FBN2: variants seen among roughly 807,000 people sequenced by gnomAD.
FBN2 encodes the protein fibrillin-2.
In FBN2, 105 loss-of-function variants were observed where a neutral mutation model predicts 355.6. The ratio of observed to expected loss-of-function variants is 0.30; its 90% CI spans 0.25 to 0.35. The LOEUF is 0.35. Among genes scored for constraint, FBN2 ranks in the 10% least tolerant of loss-of-function variants. The pLI, the probability that FBN2 is intolerant of heterozygous loss-of-function variation, is 1.00. For missense variants in FBN2, 3,280 were observed against 3,758.7 expected (o/e 0.87, Z 3.33); for synonymous variants, 1,350 against 1,301.2 (o/e 1.04, Z -0.81).
chr5:128,416,679 A>G (rs1414841715), intron 7 of FBN2, among the ~76,000 whole-genome samples: 4 of 152,070 alleles, frequency 2.6e-5, no homozygotes, highest in Non-Finnish European at 4.4e-5. Flanking sequence ...CCATTCCTCA[A>G]TGTTGTTTTG....
chr5:128,501,224 G>C (rs916773659), intron 5 of FBN2, among the ~76,000 whole-genome samples: 1 of 152,178 alleles, frequency 6.6e-6, no homozygotes, highest in Non-Finnish European at 1.5e-5. Context: ...CATGACAAGA[G>C]GGAGTGATCC....
At chr5:128,519,157 AAAG>A in intron 5 of FBN2, 113 bp downstream of exon 5, 1 of 775,406 alleles carries the variant, frequency 1.3e-6, no homozygotes. Context: ...AGACATAATC[AAAG>A]AAGAGTAAAA....
At chr5:128,483,806 T>C (rs903638783) in intron 5 of FBN2, among the ~76,000 whole-genome samples, 2 of 152,132 alleles carry the variant, frequency 1.3e-5, no homozygotes, top group Non-Finnish European at 2.9e-5. Flanking sequence ...TAAGCGATAA[T>C]AGCTGGAAAA....
At chr5:128,302,648 G>C (rs1483793195) in intron 46 of FBN2, among the ~76,000 whole-genome samples, 1 of 152,132 alleles carries the variant, frequency 6.6e-6, no homozygotes, top group Non-Finnish European at 1.5e-5. Flanking sequence ...ACAATGAAGG[G>C]TCTATTTTTG....
At position 128,506,705 on chromosome 5, in the gene FBN2, G is replaced by C. The variant is rs564898853; in HGVS notation, c.628+12568C>G. On this transcript the variant is annotated intron_variant, in intron 5 of 64. Coordinates refer to ENST00000262464, the MANE Select transcript of FBN2 (RefSeq NM_001999.4). ...GTGCAATGTTCAACAGAAGTGACGA[G>C]AGTGACTATCCTTGCTTTGTCACCA... Among the ~76,000 whole-genome samples, 6 of 152,222 alleles carry C rather than the reference G, an allele frequency of 3.9e-5. No homozygotes were observed. In the South Asian group the frequency reaches 1.0e-3, roughly 26 times the overall value.
In FBN2 at chr5:128,305,131, T is replaced by G. The variant is rs1444074428; in HGVS notation, c.5675-49A>C. 54 of 1,432,712 alleles carry G rather than the reference T, an allele frequency of 3.8e-5. No individual in the cohort carries two copies. The East Asian group carries it at 1.3e-3, about 34-fold the overall frequency. The allele number at this position is 1,432,712 out of a possible 1,614,324, so 88.7% of individuals were successfully genotyped here. On this transcript the variant is annotated intron_variant, in intron 44 of 64. Coordinates refer to ENST00000262464, the MANE Select transcript of FBN2 (RefSeq NM_001999.4). ...TACATGTATCTGATTTTTATTAAGA[T>G]TTCTTCATTTTTCACAGTTGTGTTT...
chr5:128,342,500 G>A (rs1283313254), intron 25 of FBN2, among the ~76,000 whole-genome samples: 1 of 152,028 alleles, frequency 6.6e-6, no homozygotes, highest in African/African-American at 2.4e-5. Context: ...AAAACGGGAT[G>A]GTAGCTTGAG....
intron 34 of FBN2, among the ~76,000 whole-genome samples, chr5:128,321,385 G>C (rs1750369739): frequency 6.6e-6 from 1 of 152,100 alleles, no homozygotes; most frequent in African/African-American, 2.4e-5. Context: ...ATGGTGGTTT[G>C]CTGCATCCAT....
At chr5:128,401,879 G>A (rs1485963893) in intron 8 of FBN2, among the ~76,000 whole-genome samples, 1 of 152,182 alleles carries the variant, frequency 6.6e-6, no homozygotes, top group African/African-American at 2.4e-5. Context: ...AGTCATAGGT[G>A]AGAGGGTAGA....
At chr5:128,357,253 T>C (rs1172611610) in intron 20 of FBN2, 23 bp downstream of exon 20, 2 of 1,613,650 alleles carry the variant, frequency 1.2e-6, no homozygotes, top group Non-Finnish European at 8.5e-7. Context: ...AATTGAAGCA[T>C]CAGTATTGTG....
chr5:128,530,479 G>A lies in FBN2; in HGVS notation c.436+116C>T, dbSNP rs1490705555. On this transcript the variant is annotated intron_variant, in intron 3 of 64. Coordinates refer to ENST00000262464, the MANE Select transcript of FBN2 (RefSeq NM_001999.4). ...ATTAACAGTATCTCATAATGTTGAT[G>A]TAAGGATTAACTAAAGTAATAACAG... is the stretch of plus-strand genomic sequence containing the variant. 1.6e-5 allele frequency: 12 copies of A among 728,580 alleles called. No homozygotes were observed. The East Asian group carries it at 3.0e-4, about 18-fold the overall frequency. The allele number at this position is 728,580 out of a possible 1,614,324, so 45.1% of individuals were successfully genotyped here.
chr5:128,375,588 T>G (rs2126955678), intron 14 of FBN2, among the ~76,000 whole-genome samples: 1 of 152,316 alleles, frequency 6.6e-6, no homozygotes, highest in African/African-American at 2.4e-5. Flanking sequence ...AGTCTCAATT[T>G]TTTAACCTCT....
chr5:128,422,790 G>A (rs1753384974), intron 7 of FBN2, among the ~76,000 whole-genome samples: 1 of 152,098 alleles, frequency 6.6e-6, no homozygotes, highest in Non-Finnish European at 1.5e-5. Context: ...CTGTGTGTAA[G>A]AATCACATGG....
At chr5:128,300,313 C>A (rs1749677314) in intron 48 of FBN2, among the ~76,000 whole-genome samples, 2 of 152,194 alleles carry the variant, frequency 1.3e-5, no homozygotes, top group Non-Finnish European at 2.9e-5. Flanking sequence ...GATGTGGTTA[C>A]AGTGTTCGTG....
At chr5:128,298,582 T>TCATTTCATC (rs1415646509) in intron 48 of FBN2, among the ~76,000 whole-genome samples, 1 of 152,222 alleles carries the variant, frequency 6.6e-6, no homozygotes. Context: ...TTCATTTCAT[T>TCATTTCATC]CATTTCATCT....
intron 34 of FBN2, chr5:128,328,363 T>A: frequency 1.8e-6 from 1 of 564,556 alleles, no homozygotes; most frequent in East Asian, 3.0e-5. Flanking sequence ...TTGAGACAAG[T>A]AATGGAGCAT....
In FBN2 at chr5:128,492,576, G is replaced by A. The variant is rs951414130; in HGVS notation, c.628+26697C>T. Among the ~76,000 whole-genome samples, 15 of 152,276 alleles carry A rather than the reference G, an allele frequency of 9.9e-5. 1 individual carries two copies. In the Middle Eastern group the frequency reaches 0.014, roughly 138 times the overall value. On this transcript the variant is annotated intron_variant, in intron 5 of 64. Transcript: ENST00000262464. ...CCAGCACTTTGGGAGGCTGAGGCGG[G>A]TGGATCACCCAAGGTCAGGAGTTCA...
chr5:128,455,990 CAAAAAAAAAA>C (rs70997371), intron 6 of FBN2, among the ~76,000 whole-genome samples: 816 of 25,242 alleles, frequency 0.032, 13 homozygotes, highest in African/African-American at 0.084. Context: ...GGGTTAGCAA[CAAAAAAAAAA>C]AAAAAAAAAA....
intron 5 of FBN2, among the ~76,000 whole-genome samples, chr5:128,497,222 C>T (rs1755678297): frequency 6.6e-6 from 1 of 152,124 alleles, no homozygotes; most frequent in African/African-American, 2.4e-5. Flanking sequence ...ATGTCAACAC[C>T]TGGAATACCA....
Sources: gnomAD v4.1 joint callset for allele counts (sites outside exome capture counted in the v4.1 genomes callset) on GRCh38, gnomAD v4.1.1 for gene constraint, MANE v1.5 for transcripts, NCBI Gene and HGNC (gene_info 2026-07-23, HGNC 2026-07-21) for gene names.